Variants in TMEM117 observed in about 807,000 individuals in gnomAD.
TMEM117 encodes transmembrane protein 117.
In TMEM117, 27 loss-of-function variants were observed where a neutral mutation model predicts 52.4. The observed-to-expected ratio is 0.51, with a 90% confidence interval of 0.38 to 0.71. The LOEUF is 0.71. Among genes scored for constraint, TMEM117 ranks in the 30% least tolerant of loss-of-function variants. TMEM117 has a pLI of 0.00. For synonymous variants in TMEM117, 215 were observed against 206.3 expected, an observed-to-expected ratio of 1.04 and a Z score of -0.36; for missense variants, 556 against 630.5, an observed-to-expected ratio of 0.88 and a Z score of 1.26.
Position 44,008,167 on chromosome 12 carries a change from A to G in TMEM117, c.410+63825A>G, listed in dbSNP as rs76680639. On this transcript the variant is annotated intron_variant, in intron 3 of 7. Transcript: ENST00000266534. The stretch of plus-strand genomic sequence containing the variant: ...GATGAGGACCAAGACTGCCTCCCAG[A>G]TTGAATGATAGCTGTTAATACTGTT... Among the ~76,000 whole-genome samples the G allele has an allele frequency of 1.5e-3, 228 of 152,318 alleles. 3 individuals are homozygous for G. In the East Asian group the frequency reaches 0.036, roughly 24 times the overall value.
At chr12:44,228,751 A>G (rs1949896223) in intron 5 of TMEM117, among the ~76,000 whole-genome samples, 1 of 152,112 alleles carries the variant, frequency 6.6e-6, no homozygotes. Context: ...TGTTCCAAGA[A>G]TAGAAAAAAA....
intron 2 of TMEM117, among the ~76,000 whole-genome samples, chr12:43,940,734 G>A (rs768133786): frequency 1.4e-4 from 21 of 152,064 alleles, no homozygotes; most frequent in African/African-American, 3.1e-4. Context: ...AGTAGAAACC[G>A]GGTTTCACCA....
chr12:44,064,890 G>C (rs1947198524), intron 3 of TMEM117, among the ~76,000 whole-genome samples: 1 of 151,988 alleles, frequency 6.6e-6, no homozygotes, highest in South Asian at 2.1e-4. Flanking sequence ...TAGATTTTAG[G>C]TGCTCTTACC....
At chr12:44,174,063 A>C (rs1335908922) in intron 4 of TMEM117, among the ~76,000 whole-genome samples, 2 of 152,166 alleles carry the variant, frequency 1.3e-5, no homozygotes, top group Non-Finnish European at 2.9e-5. Flanking sequence ...TTCCATGCAA[A>C]TATTTTAACC....
At chr12:43,808,682 A>G in the TMEM117 span, among the ~76,000 whole-genome samples, 24 of 151,940 alleles carry the variant, frequency 1.6e-4, no homozygotes, top group Non-Finnish European at 3.4e-4. Context: ...GGGATGGCTG[A>G]CACCTGTAGT....
At chr12:44,345,258 A>G (rs17094487) in intron 6 of TMEM117, among the ~76,000 whole-genome samples, 4,227 of 152,084 alleles carry the variant, frequency 0.028, 97 homozygotes, top group African/African-American at 0.055. Context: ...TGGCGGGAAT[A>G]TTGAGGGTAT....
intron 6 of TMEM117, among the ~76,000 whole-genome samples, chr12:44,307,057 C>G (rs1950913039): frequency 6.6e-6 from 1 of 152,136 alleles, no homozygotes; most frequent in Non-Finnish European, 1.5e-5. Flanking sequence ...GTGCGTGGCT[C>G]TAAGAAGTAG....
At position 44,087,434 on chromosome 12, in the gene TMEM117, GTGTATGTATGTA is replaced by G. The variant is rs60335561; in HGVS notation, c.411-56061_411-56050del. Among the ~76,000 whole-genome samples the G allele has an allele frequency of 8.5e-4, 127 of 150,092 alleles. 1 individual carries two copies. The highest frequency in any genetic ancestry group is 2.4e-3 in the African/African-American group (99 of 40,572). Reference sequence around the variant, plus strand: ...TTTTTTCTTACCATTCTTTCTATGTGTGTATGTATGTATGTATGTATGTATGTATGTATGTAT... The same window carrying G: ...TTTTTTCTTACCATTCTTTCTATGTGTGTATGTATGTATGTATGTATGTAT... On this transcript the variant is annotated intron_variant, in intron 3 of 7. Coordinates refer to ENST00000266534, the MANE Select transcript of TMEM117 (RefSeq NM_032256.3).
intron 5 of TMEM117, among the ~76,000 whole-genome samples, chr12:44,224,148 A>C (rs1432122462): frequency 1.3e-5 from 2 of 151,956 alleles, no homozygotes; most frequent in Middle Eastern, 3.2e-3. Flanking sequence ...ACACACACCC[A>C]CACACACACA....
chr12:44,361,316 G>C (rs936263230), intron 6 of TMEM117, among the ~76,000 whole-genome samples: 10 of 152,146 alleles, frequency 6.6e-5, no homozygotes, highest in African/African-American at 2.2e-4. Context: ...ATGGAAGATA[G>C]AGAATGATTG....
At chr12:43,950,231 A>C (rs1945197292) in intron 3 of TMEM117, among the ~76,000 whole-genome samples, 1 of 152,242 alleles carries the variant, frequency 6.6e-6, no homozygotes, top group Non-Finnish European at 1.5e-5. Context: ...ACCCAGGATC[A>C]TAGATTCAAA....
At chr12:43,843,184 T>G (rs982604587) in intron 1 of TMEM117, among the ~76,000 whole-genome samples, 1 of 152,182 alleles carries the variant, frequency 6.6e-6, no homozygotes, top group Non-Finnish European at 1.5e-5. Flanking sequence ...CTCTTCCCCC[T>G]CTTCCCTTTC....
At chr12:44,114,813 C>T (rs974059087) in intron 3 of TMEM117, among the ~76,000 whole-genome samples, 3 of 152,152 alleles carry the variant, frequency 2.0e-5, no homozygotes, top group South Asian at 2.1e-4. Flanking sequence ...ATAGAACAAA[C>T]ATTACTGTTT....
chr12:44,338,756 TATC>T (rs1419381967), intron 6 of TMEM117, among the ~76,000 whole-genome samples: 1 of 152,090 alleles, frequency 6.6e-6, no homozygotes, highest in Non-Finnish European at 1.5e-5. Flanking sequence ...ATATTAGAAT[TATC>T]AATATATTTT....
At chr12:44,146,564 A>G (rs921043742) in intron 4 of TMEM117, among the ~76,000 whole-genome samples, 1 of 152,238 alleles carries the variant, frequency 6.6e-6, no homozygotes, top group African/African-American at 2.4e-5. Context: ...TCCTGATTTT[A>G]AAATATAGTC....
rs1943648541 is a variant in TMEM117, at chr12:43,868,532, C to G, written c.277+23604C>G. Among the ~76,000 whole-genome samples the G allele has an allele frequency of 2.0e-5, 3 of 150,408 alleles. No individual in the cohort carries two copies. The South Asian group carries it at 6.3e-4, about 31-fold the overall frequency. ...GTGCCACTGCACTCCAGCCTGGCGA[C>G]AGAGTGAGACACCGTCTCAAAATAA... On this transcript the variant is annotated intron_variant, in intron 2 of 7. Transcript: ENST00000266534.
intron 2 of TMEM117, among the ~76,000 whole-genome samples, chr12:43,892,718 T>G (rs1944129563): frequency 6.6e-6 from 1 of 152,220 alleles, no homozygotes; most frequent in Non-Finnish European, 1.5e-5. Context: ...TTTTAGATAC[T>G]GGGGCTACAG....
chr12:44,272,356 A>G (rs2138571105), intron 5 of TMEM117, among the ~76,000 whole-genome samples: 1 of 152,292 alleles, frequency 6.6e-6, no homozygotes, highest in African/African-American at 2.4e-5. Context: ...TGGCAACAAA[A>G]GCCAAAATTG....
At chr12:44,144,360 A>G (rs1948612593) in intron 4 of TMEM117, among the ~76,000 whole-genome samples, 1 of 152,222 alleles carries the variant, frequency 6.6e-6, no homozygotes, top group South Asian at 2.1e-4. Context: ...TAACTCCCAT[A>G]AAAATGGAGC....
Sources: gnomAD v4.1 joint callset for allele counts (sites outside exome capture counted in the v4.1 genomes callset) on GRCh38, gnomAD v4.1.1 for gene constraint, MANE v1.5 for transcripts, NCBI Gene and HGNC (gene_info 2026-07-23, HGNC 2026-07-21) for gene names.